AGAP1: variants seen among roughly 807,000 people sequenced by gnomAD.
AGAP1 encodes arf-GAP with GTPase, ANK repeat and PH domain-containing protein 1.
A neutral mutation model predicts 105.3 loss-of-function variants in AGAP1; 29 were observed. The observed-to-expected ratio is 0.28, with a 90% CI of 0.21 to 0.38. The LOEUF (loss-of-function observed/expected upper bound fraction) is 0.38. Among genes scored for constraint, AGAP1 ranks in the 10% least tolerant of loss-of-function variants. AGAP1 has a pLI of 1.00. For missense variants in AGAP1, 998 were observed against 1,165.1 expected (o/e 0.86, Z 2.09); for synonymous variants, 509 against 485.9 (o/e 1.05, Z -0.63).
In AGAP1 at chr2:235,753,925, A is replaced by G. The variant is rs183036155; in HGVS notation, c.673+3437A>G. On this transcript the variant is annotated intron_variant, in intron 6 of 17. Coordinates refer to ENST00000304032, the MANE Select transcript of AGAP1 (RefSeq NM_001037131.3). This position sits in a 1 kb window ranked among gnomAD's most constrained non-coding sequence, Gnocchi z 4.5. ...TTTCATGTAAATCACAAACACTCTC[A>G]TTGTTAGTGAGAAAAGTAGTTGCTG... is the stretch of plus-strand genomic sequence containing the variant. Among the ~76,000 whole-genome samples the G allele has an allele frequency of 2.3e-3, 355 of 152,336 alleles. 1 individual carries two copies. Among genetic ancestry groups the G allele is most frequent in the Non-Finnish European group, 2.8e-3 (193 of 68,024 alleles).
In AGAP1 at chr2:235,556,194, A is replaced by G. The variant is rs993074492; in HGVS notation, c.163+61345A>G. Among the ~76,000 whole-genome samples the G allele has an allele frequency of 1.3e-5, 2 of 152,212 alleles. No homozygotes were observed. Among genetic ancestry groups the G allele is most frequent in the African/African-American group, 2.4e-5 (1 of 41,466 alleles). On this transcript the variant is annotated intron_variant, in intron 1 of 17. Coordinates refer to ENST00000304032, the MANE Select transcript of AGAP1 (RefSeq NM_001037131.3). This position sits in a 1 kb window ranked among gnomAD's most constrained non-coding sequence, Gnocchi z 5.3. ...GCCTGCACACCTGCAGCAGCTCCTC[A>G]GAGCTGCCCCCTCATGCCTTGGCCA...
intron 1 of AGAP1, among the ~76,000 whole-genome samples, chr2:235,598,241 A>G (rs1197331986): frequency 6.6e-6 from 1 of 152,148 alleles, no homozygotes; most frequent in East Asian, 1.9e-4. Flanking sequence ...CCGCGATGGA[A>G]CAGCGCCCTG....
chr2:235,599,693 C>T lies in AGAP1; in HGVS notation c.163+104844C>T, dbSNP rs753753961. Among the ~76,000 whole-genome samples the T allele has an allele frequency of 1.3e-5, 2 of 152,100 alleles. No homozygotes were observed. Among genetic ancestry groups the T allele is most frequent in the Admixed American group, 1.3e-4 (2 of 15,262 alleles). On this transcript the variant is annotated intron_variant, in intron 1 of 17. Coordinates refer to ENST00000304032, the MANE Select transcript of AGAP1 (RefSeq NM_001037131.3). The surrounding 1 kb of genome is among the most constrained non-coding windows in gnomAD (Gnocchi z 5.3). ...GGAATCCTGCAGTCCACTTGCCCAG[C>T]GTCACTTCCTCCAGTGCCCTTTCTG... is the stretch of plus-strand genomic sequence containing the variant.
In AGAP1 at chr2:235,883,787, G is replaced by A. The variant is rs1197165137; in HGVS notation, c.1155+338G>A. 1.3e-5 allele frequency among the ~76,000 whole-genome samples: 2 copies of A among 152,184 alleles called. No homozygotes were observed. Among genetic ancestry groups the A allele is most frequent in the East Asian group, 1.9e-4 (1 of 5,194 alleles). Reference sequence around the variant, plus strand: ...GAGAAGAGTGGTCTATCTGAAAATCGAGAATGAAGGAAACAATTACATTTG... The same window carrying A: ...GAGAAGAGTGGTCTATCTGAAAATCAAGAATGAAGGAAACAATTACATTTG... On this transcript the variant is annotated intron_variant, in intron 10 of 17. Transcript: ENST00000304032. This position sits in a 1 kb window ranked among gnomAD's most constrained non-coding sequence, Gnocchi z 4.5.
rs570152663 is a variant in AGAP1, at chr2:235,574,407, C to T, written c.163+79558C>T. Among the ~76,000 whole-genome samples, 3 of 152,318 alleles carry T rather than the reference C, an allele frequency of 2.0e-5. No individual in the cohort carries two copies. Among genetic ancestry groups the T allele is most frequent in the South Asian group, 2.1e-4 (1 of 4,826 alleles). ...TTTGCTAAATGCATAAACTGTATAACGAAATGTAATTAGTGAAGGTGCATT... is the reference window on the plus strand; with the variant it reads ...TTTGCTAAATGCATAAACTGTATAATGAAATGTAATTAGTGAAGGTGCATT... On this transcript the variant is annotated intron_variant, in intron 1 of 17. Coordinates refer to ENST00000304032, the MANE Select transcript of AGAP1 (RefSeq NM_001037131.3). The surrounding 1 kb of genome is among the most constrained non-coding windows in gnomAD (Gnocchi z 5.0).
rs189518466 is a variant in AGAP1 at position 235,913,971 on chromosome 2, T to C, written c.1324+5065T>C. On this transcript the variant is annotated intron_variant, in intron 11 of 17. Transcript: ENST00000304032. ...TATAGCCTCCAGCAAAGTTCAGCATTTTTTTTTTTTATTTAGCTGCTGGAC... is the reference window on the plus strand; with the variant it reads ...TATAGCCTCCAGCAAAGTTCAGCATCTTTTTTTTTTATTTAGCTGCTGGAC... Among the ~76,000 whole-genome samples the C allele has an allele frequency of 1.6e-3, 216 of 139,192 alleles. 4 individuals are homozygous for C. In the East Asian group the frequency reaches 0.04, roughly 26 times the overall value. The allele number at this position is 139,192 out of a possible 152,430, so 91.3% of individuals were successfully genotyped here. A position where few individuals can be genotyped will look rare whatever the true frequency, so the allele number is the denominator to read the frequency against.
rs896478818 is a variant in AGAP1 at position 235,888,079 on chromosome 2, A to G, written c.1155+4630A>G. Among the ~76,000 whole-genome samples, 2 of 152,122 alleles carry G rather than the reference A, an allele frequency of 1.3e-5. No individual in the cohort carries two copies. The highest frequency in any genetic ancestry group is 1.3e-4 in the Admixed American group (2 of 15,278). ...CTGGTGCCACCACCAGCCTCCTTCCATTTGCTTATCATGTTAAATTCAGGG... is the reference window on the plus strand; with the variant it reads ...CTGGTGCCACCACCAGCCTCCTTCCGTTTGCTTATCATGTTAAATTCAGGG... On this transcript the variant is annotated intron_variant, in intron 10 of 17. Coordinates refer to ENST00000304032, the MANE Select transcript of AGAP1 (RefSeq NM_001037131.3). The surrounding 1 kb of genome is among the most constrained non-coding windows in gnomAD (Gnocchi z 4.8).
rs1376303597 is a variant in AGAP1 at position 236,014,609 on chromosome 2, G to C, written c.1646-21952G>C. On this transcript the variant is annotated intron_variant, in intron 13 of 17. Coordinates refer to ENST00000304032, the MANE Select transcript of AGAP1 (RefSeq NM_001037131.3). The surrounding 1 kb of genome is among the most constrained non-coding windows in gnomAD (Gnocchi z 6.3). ...CCTGCTCCACCTCTGCCCTTCCTGA[G>C]TTCCTCTGTTCACCGCAGGGGAGTT... Among the ~76,000 whole-genome samples, 1 of 152,166 alleles carries C rather than the reference G, an allele frequency of 6.6e-6. No homozygotes were observed. Among genetic ancestry groups the C allele is most frequent in the Non-Finnish European group, 1.5e-5 (1 of 68,032 alleles).
rs1946484328 is a variant in AGAP1, at chr2:235,621,635, C to A, written c.164-87544C>A. Among the ~76,000 whole-genome samples, 1 of 152,202 alleles carries A rather than the reference C, an allele frequency of 6.6e-6. No individual in the cohort carries two copies. Among genetic ancestry groups the A allele is most frequent in the African/African-American group, 2.4e-5 (1 of 41,460 alleles). On this transcript the variant is annotated intron_variant, in intron 1 of 17. Transcript: ENST00000304032. The surrounding 1 kb of genome is among the most constrained non-coding windows in gnomAD (Gnocchi z 4.1). ...CTCCTCTGACTCCAGATGTCAGTGACCCTTCTGGTCTCTCCAACACAAGGG... is the reference window on the plus strand; with the variant it reads ...CTCCTCTGACTCCAGATGTCAGTGAACCTTCTGGTCTCTCCAACACAAGGG...
rs1212273134 is a variant in AGAP1 at position 236,005,378 on chromosome 2, T to A, written c.1646-31183T>A. 6.6e-6 allele frequency among the ~76,000 whole-genome samples: 1 copy of A among 152,142 alleles called. No individual in the cohort carries two copies. Among genetic ancestry groups the A allele is most frequent in the Non-Finnish European group, 1.5e-5 (1 of 68,032 alleles). ...CTGGTCTCAAACTCCTGACCTCAAATGATCCACCCACCTCAGCCTCCCAAA... is the reference window on the plus strand; with the variant it reads ...CTGGTCTCAAACTCCTGACCTCAAAAGATCCACCCACCTCAGCCTCCCAAA... On this transcript the variant is annotated intron_variant, in intron 13 of 17. Coordinates refer to ENST00000304032, the MANE Select transcript of AGAP1 (RefSeq NM_001037131.3). The surrounding 1 kb of genome is among the most constrained non-coding windows in gnomAD (Gnocchi z 4.1).
intron 5 of AGAP1, among the ~76,000 whole-genome samples, chr2:235,749,181 C>T (rs148381576): frequency 0.021 from 3,167 of 151,182 alleles, 99 homozygotes; most frequent in African/African-American, 0.066. Context: ...GTACTCCAGC[C>T]TGGGCGACAC....
At chr2:235,648,135 G>A (rs1352057969) in intron 1 of AGAP1, among the ~76,000 whole-genome samples, 2 of 152,118 alleles carry the variant, frequency 1.3e-5, no homozygotes, top group East Asian at 1.9e-4. Flanking sequence ...CTGACTGGGG[G>A]GTGTCCATCC....
chr2:235,895,568 C>G (rs1023657827), intron 10 of AGAP1, among the ~76,000 whole-genome samples: 9 of 152,192 alleles, frequency 5.9e-5, no homozygotes, highest in African/African-American at 2.2e-4. Flanking sequence ...CCTATTTGGG[C>G]ACCCATGCTG....
At chr2:235,727,274 G>C (rs1038927258) in intron 3 of AGAP1, among the ~76,000 whole-genome samples, 1 of 151,988 alleles carries the variant, frequency 6.6e-6, no homozygotes, top group African/African-American at 2.4e-5. Flanking sequence ...AGAAAAGGCC[G>C]GGAGGCAAGT....
At chr2:235,774,739 A>T (rs544953612) in intron 6 of AGAP1, among the ~76,000 whole-genome samples, 1 of 152,194 alleles carries the variant, frequency 6.6e-6, no homozygotes, top group Non-Finnish European at 1.5e-5. Context: ...GGTCTTTTCA[A>T]TGACGTCTCA....
At chr2:236,028,807 T>G (rs1004600449) in intron 13 of AGAP1, among the ~76,000 whole-genome samples, 1 of 152,216 alleles carries the variant, frequency 6.6e-6, no homozygotes, top group East Asian at 1.9e-4. Context: ...GGTATGTTTC[T>G]GACATCTCAC....
intron 1 of AGAP1, among the ~76,000 whole-genome samples, chr2:235,527,244 G>C (rs1278227478): frequency 6.6e-6 from 1 of 152,182 alleles, no homozygotes; most frequent in Non-Finnish European, 1.5e-5. Flanking sequence ...GTGTGGAGGT[G>C]GGGCTGCTTA....
In AGAP1 at chr2:235,550,221, G is replaced by A. The variant is rs138862441; in HGVS notation, c.163+55372G>A. 2.0e-5 allele frequency among the ~76,000 whole-genome samples: 3 copies of A among 152,264 alleles called. No homozygotes were observed. Among genetic ancestry groups the A allele is most frequent in the South Asian group, 4.1e-4 (2 of 4,822 alleles). ...TTATCACCGAGCACACAGGCAGCCCGAGGCACCTCCTCGTCACAGTGTTCT... is the reference window on the plus strand; with the variant it reads ...TTATCACCGAGCACACAGGCAGCCCAAGGCACCTCCTCGTCACAGTGTTCT... On this transcript the variant is annotated intron_variant, in intron 1 of 17. Transcript: ENST00000304032. This position sits in a 1 kb window ranked among gnomAD's most constrained non-coding sequence, Gnocchi z 4.6.
chr2:235,985,871 A>G (rs1441233273), intron 13 of AGAP1, among the ~76,000 whole-genome samples: 2 of 152,186 alleles, frequency 1.3e-5, no homozygotes, highest in Non-Finnish European at 1.5e-5. Flanking sequence ...TGGTTACTGT[A>G]GCCTTGTATA....
Sources: gnomAD v4.1 joint callset for allele counts (sites outside exome capture counted in the v4.1 genomes callset) on GRCh38, gnomAD v4.1.1 for gene constraint, Gnocchi (gnomAD v3.1) non-coding constraint, MANE v1.5 for transcripts, NCBI Gene and HGNC (gene_info 2026-07-23, HGNC 2026-07-21) for gene names.